EFCAB3: variants seen among roughly 807,000 people sequenced by gnomAD.
EFCAB3 encodes EF-hand calcium binding domain 3.
Under a neutral mutation model 42.2 loss-of-function variants are expected in EFCAB3, and 36 were observed. The ratio of observed to expected loss-of-function variants is 0.85; its 90% CI spans 0.65 to 1.13. EFCAB3 has a LOEUF of 1.13. EFCAB3 is among the 50% of genes most tolerant of loss of function. The pLI is 0.00. For missense variants in EFCAB3, 418 were observed against 505.1 expected (o/e 0.83, Z 1.65); for synonymous variants, 170 against 172.8 (o/e 0.98, Z 0.13).
chr17:62,384,927 T>C (rs1053865056), intron 2 of EFCAB3, among the ~76,000 whole-genome samples: 1 of 152,230 alleles, frequency 6.6e-6, no homozygotes, highest in African/African-American at 2.4e-5. Flanking sequence ...AAAATAGGCT[T>C]TGTGCTACAT....
At chr17:62,403,842 G>T (rs975963797) in intron 6 of EFCAB3, among the ~76,000 whole-genome samples, 35 of 152,110 alleles carry the variant, frequency 2.3e-4, no homozygotes, top group Admixed American at 2.3e-3. Flanking sequence ...TAAAGACAGG[G>T]TTTCACCACA....
chr17:62,378,330 A>G (rs2070166596), upstream of EFCAB3, among the ~76,000 whole-genome samples: 1 of 152,144 alleles, frequency 6.6e-6, no homozygotes, highest in Admixed American at 6.5e-5. Flanking sequence ...CAATTTACAA[A>G]GCAGGTGTTC....
chr17:62,396,755 G>T (rs962283247), intron 6 of EFCAB3, among the ~76,000 whole-genome samples: 2 of 151,830 alleles, frequency 1.3e-5, no homozygotes, highest in Non-Finnish European at 2.9e-5. Context: ...AACTAGGCAT[G>T]GTGGCGAATA....
chr17:62,393,158 A>C (rs2070318816), intron 4 of EFCAB3, among the ~76,000 whole-genome samples: 1 of 152,226 alleles, frequency 6.6e-6, no homozygotes. Context: ...TCATGGAAAC[A>C]TACACATACC....
chr17:62,386,333 C>T lies in EFCAB3; in HGVS notation c.75-1007C>T, dbSNP rs551750519. On this transcript the variant is annotated intron_variant, in intron 2 of 9. Coordinates refer to ENST00000305286, the MANE Select transcript of EFCAB3 (RefSeq NM_173503.4). Reference sequence around the variant, plus strand: ...TCCTGCCTTTTCCAGATTTTACTTTCCTCAATAAATGAAAGGTCACCCAGG... The same window carrying T: ...TCCTGCCTTTTCCAGATTTTACTTTTCTCAATAAATGAAAGGTCACCCAGG... Among the ~76,000 whole-genome samples the T allele has an allele frequency of 6.2e-4, 94 of 152,150 alleles. 1 individual carries two copies. Among genetic ancestry groups the T allele is most frequent in the South Asian group, 3.9e-3 (19 of 4,816 alleles).
intron 3 of EFCAB3, 71 bp from the exon 4 acceptor site, chr17:62,391,751 G>T: frequency 1.3e-6 from 2 of 1,516,512 alleles, no homozygotes; most frequent in Non-Finnish European, 1.8e-6. Flanking sequence ...TATATTGTCT[G>T]TCCTAGTCCT....
chr17:62,387,272 T>C (rs2070260037), intron 2 of EFCAB3, 68 bp from the exon 3 acceptor site: 2 of 1,230,610 alleles, frequency 1.6e-6, no homozygotes, highest in Non-Finnish European at 1.2e-6. Flanking sequence ...CAGAAACTGA[T>C]GAGTAAGACT....
chr17:62,389,905 G>GC (rs948410521), intron 3 of EFCAB3, among the ~76,000 whole-genome samples: 6 of 152,004 alleles, frequency 3.9e-5, no homozygotes, highest in Non-Finnish European at 8.8e-5. Context: ...TCCTGCCTCA[G>GC]CCTCTTGAGT....
rs189841891 is a variant in EFCAB3, at chr17:62,389,847, T to C, written c.152-1975T>C. ...TTATTTATTTTTTTCTGTGCAGTGG[T>C]GCCATCTCGGCTCACTGCAAGCTCC... On this transcript the variant is annotated intron_variant, in intron 3 of 9. Coordinates refer to ENST00000305286, the MANE Select transcript of EFCAB3 (RefSeq NM_173503.4). Among the ~76,000 whole-genome samples, 404 of 152,146 alleles carry C rather than the reference T, an allele frequency of 2.7e-3. 2 individuals are homozygous for C. Among genetic ancestry groups the C allele is most frequent in the African/African-American group, 8.3e-3 (345 of 41,510 alleles).
chr17:62,414,478 TCATAA>T (rs1434714516), intron 9 of EFCAB3, among the ~76,000 whole-genome samples: 1 of 152,122 alleles, frequency 6.6e-6, no homozygotes, highest in Non-Finnish European at 1.5e-5. Context: ...ACGCTGGGTC[TCATAA>T]CATAACAAAC....
chr17:62,404,902 CAT>C (rs1263047475), intron 6 of EFCAB3, among the ~76,000 whole-genome samples: 1 of 152,126 alleles, frequency 6.6e-6, no homozygotes, highest in Non-Finnish European at 1.5e-5. Flanking sequence ...TATAATGTGA[CAT>C]AAATTGTTAA....
chr17:62,383,156 G>T, intron 2 of EFCAB3, 103 bp downstream of exon 2: 1 of 1,088,268 alleles, frequency 9.2e-7, no homozygotes, highest in Non-Finnish European at 1.3e-6. Flanking sequence ...GATCTTTACT[G>T]GGAAGCCCCT....
chr17:62,372,946 A>G (rs12944345), intron 1 of EFCAB3, among the ~76,000 whole-genome samples: 1 of 152,172 alleles, frequency 6.6e-6, no homozygotes. Flanking sequence ...TTTGATTAAT[A>G]CAATTTCCTA....
intron 1 of EFCAB3, chr17:62,373,721 G>T: frequency 1.4e-6 from 1 of 729,144 alleles, no homozygotes; most frequent in South Asian, 1.8e-5. Context: ...ACTCATGGAA[G>T]AATTTCAGCC....
intron 1 of EFCAB3, among the ~76,000 whole-genome samples, chr17:62,372,892 C>T (rs1212858134): frequency 1.3e-5 from 2 of 152,184 alleles, no homozygotes; most frequent in Non-Finnish European, 2.9e-5. Flanking sequence ...ACTGAACTAC[C>T]CACAGTTCCC....
intron 3 of EFCAB3, 89 bp downstream of exon 3, chr17:62,387,505 G>A (rs928985221): frequency 1.8e-6 from 2 of 1,122,448 alleles, no homozygotes; most frequent in Non-Finnish European, 2.6e-6. Context: ...AGATTTCAAG[G>A]GTTGTCTACA....
chr17:62,415,781 A>G (rs1355025368), intron 9 of EFCAB3, among the ~76,000 whole-genome samples: 4 of 152,008 alleles, frequency 2.6e-5, no homozygotes, highest in African/African-American at 9.7e-5. Flanking sequence ...TGTATTTTTC[A>G]TATCCTTATA....
At chr17:62,390,082 G>A (rs1459538147) in intron 3 of EFCAB3, among the ~76,000 whole-genome samples, 1 of 152,066 alleles carries the variant, frequency 6.6e-6, no homozygotes, top group African/African-American at 2.4e-5. Flanking sequence ...CACCGTGCCC[G>A]GCCATAAATG....
chr17:62,382,934 A>G (rs780210125), intron 1 of EFCAB3, 29 bp from the exon 2 acceptor site: 2 of 1,584,314 alleles, frequency 1.3e-6, no homozygotes, highest in Non-Finnish European at 1.7e-6. Flanking sequence ...CTGTAAACTG[A>G]TTTCTTAATT....
Sources: allele counts gnomAD v4.1 joint callset (sites outside exome capture counted in the v4.1 genomes callset), GRCh38; gene constraint gnomAD v4.1.1; transcripts MANE v1.5; gene names NCBI Gene and HGNC (gene_info 2026-07-23, HGNC 2026-07-21).